CCDC12: variants seen among roughly 807,000 people sequenced by gnomAD.
CCDC12 encodes coiled-coil domain containing 12, also known as coiled-coil domain-containing protein 12.
CCDC12 carries 28 observed loss-of-function variants against 25.7 expected under a neutral mutation model. The ratio of observed to expected loss-of-function variants is 1.09; its 90% CI spans 0.81 to 1.50. The LOEUF is 1.50. CCDC12 is among the 40% of genes most tolerant of loss of function. CCDC12 has a pLI of 0.00. For synonymous variants in CCDC12, 75 were observed against 87.7 expected, an observed-to-expected ratio of 0.86 and a Z score of 0.81; for missense variants, 198 against 210.0, an observed-to-expected ratio of 0.94 and a Z score of 0.35.
intron 1 of CCDC12, chr3:46,976,425 A>T (rs936180): frequency 1.4e-6 from 2 of 1,416,838 alleles, no homozygotes; most frequent in Admixed American, 5.9e-5. Context: ...ACCCCCGCGC[A>T]TGCGCGACGA....
At chr3:46,973,456 T>C (rs1174541802) in intron 1 of CCDC12, among the ~76,000 whole-genome samples, 5 of 149,314 alleles carry the variant, frequency 3.3e-5, no homozygotes, top group African/African-American at 1.0e-4. Context: ...GATTGCACCA[T>C]TGCATTCCAG....
chr3:46,975,643 G>C (rs1020576230), intron 1 of CCDC12, among the ~76,000 whole-genome samples: 2 of 144,586 alleles, frequency 1.4e-5, no homozygotes, highest in Non-Finnish European at 3.0e-5. Flanking sequence ...CCATTCTCCT[G>C]CCTCAGCTTC....
chr3:46,959,168 C>T (rs1402266640), intron 1 of CCDC12, among the ~76,000 whole-genome samples: 1 of 150,918 alleles, frequency 6.6e-6, no homozygotes, highest in Non-Finnish European at 1.5e-5. Flanking sequence ...TACTGCTTCA[C>T]AAGGTCTTAT....
chr3:46,951,798 A>AAAAAAAAAAATAT lies in CCDC12; in HGVS notation c.97-10734_97-10733insATATTTTTTTTTT. ...CCGTCTCAAAAAAAAAAAAAAAAAA[A>AAAAAAAAAAATAT]ATATATATATATATATATATATATA... On this transcript the variant is annotated intron_variant, in intron 1 of 6. Transcript: ENST00000683445. Among the ~76,000 whole-genome samples, 20 of 8,466 alleles carry AAAAAAAAAAATAT rather than the reference A, an allele frequency of 2.4e-3. 2 individuals carry two copies. Among genetic ancestry groups the AAAAAAAAAAATAT allele is most frequent in the Non-Finnish European group, 3.4e-3 (12 of 3,564 alleles). 5.6% of individuals were successfully genotyped at this position (8,466 alleles called of 152,430 possible). A position where few individuals can be genotyped will look rare whatever the true frequency, so the allele number is the denominator to read the frequency against.
At chr3:46,923,935 C>T (rs2032822697) in intron 3 of CCDC12, 2 of 372,798 alleles carry the variant, frequency 5.4e-6, no homozygotes, top group Non-Finnish European at 9.6e-6. Flanking sequence ...AGCATGGATG[C>T]TGACAATAAC....
At position 46,937,184 on chromosome 3, in the gene CCDC12, G is replaced by C. The variant is rs1393517633; in HGVS notation, c.164+3814C>G. Among the ~76,000 whole-genome samples, 5 of 152,296 alleles carry C rather than the reference G, an allele frequency of 3.3e-5. 1 individual carries two copies. The South Asian group carries it at 1.0e-3, about 32-fold the overall frequency. ...GCCCCCAGGGACACTGTGTAAAGGAGAGTTGGGGTGATGTCTGTTCATGCC... is the reference window on the plus strand; with the variant it reads ...GCCCCCAGGGACACTGTGTAAAGGACAGTTGGGGTGATGTCTGTTCATGCC... On this transcript the variant is annotated intron_variant, in intron 2 of 6. Transcript: ENST00000683445.
At position 46,922,024 on chromosome 3, in the gene CCDC12, G is replaced by GCCTGAT. The variant is rs1364398199; in HGVS notation, c.*27_*32dup. ...CCCAAGACCATCCTCTGCAGGACAG[G>GCCTGAT]CCTGATGGGCGAGTGGTGGGGCAGG... On this transcript the variant is annotated 3_prime_UTR_variant, in exon 7 of 7. Transcript: ENST00000683445. 1 of 1,609,146 alleles carries GCCTGAT rather than the reference G, an allele frequency of 6.2e-7. No homozygotes were observed. Among genetic ancestry groups the GCCTGAT allele is most frequent in the East Asian group, 2.2e-5 (1 of 44,880 alleles).
At chr3:46,981,165 C>A (rs770454299), upstream of CCDC12, among the ~76,000 whole-genome samples, 4 of 152,212 alleles carry the variant, frequency 2.6e-5, no homozygotes, top group Non-Finnish European at 5.9e-5. Flanking sequence ...ACAGCCCTGG[C>A]CGGGCACGGT....
At chr3:46,930,348 C>T (rs901817847) in intron 2 of CCDC12, among the ~76,000 whole-genome samples, 2 of 152,242 alleles carry the variant, frequency 1.3e-5, no homozygotes, top group Middle Eastern at 6.3e-3. Context: ...GCAGCACCAG[C>T]ACCTCAGCTC....
chr3:46,951,417 T>C (rs2034109530), intron 1 of CCDC12, among the ~76,000 whole-genome samples: 2 of 152,038 alleles, frequency 1.3e-5, no homozygotes, highest in Non-Finnish European at 2.9e-5. Context: ...TTCTACAACG[T>C]ATATTGTAGA....
chr3:46,969,351 C>T (rs1392970276), intron 1 of CCDC12, among the ~76,000 whole-genome samples: 2 of 152,216 alleles, frequency 1.3e-5, no homozygotes, highest in Non-Finnish European at 2.9e-5. Flanking sequence ...ACCTCAGCCT[C>T]CCGAATAGCT....
intron 1 of CCDC12, chr3:46,966,257 A>C (rs2034637206): frequency 6.6e-6 from 1 of 152,440 alleles, no homozygotes; most frequent in Non-Finnish European, 1.5e-5. Context: ...TCACGCCTAT[A>C]ATCCCAACAC....
chr3:46,923,373 G>C lies in CCDC12; in HGVS notation c.307-10C>G. 1.3e-6 allele frequency: 2 copies of C among 1,501,260 alleles called. No homozygotes were observed. The highest frequency in any genetic ancestry group is 1.8e-6 in the Non-Finnish European group (2 of 1,122,384). The allele number at this position is 1,501,260 out of a possible 1,614,324, so 93.0% of individuals were successfully genotyped here. A position where few individuals can be genotyped will look rare whatever the true frequency, so the allele number is the denominator to read the frequency against. On this transcript the variant is annotated splice_polypyrimidine_tract_variant and intron_variant, in intron 4 of 6. Transcript: ENST00000683445. The stretch of plus-strand genomic sequence containing the variant: ...CGAGGTTGGCCAGGTCCTGGGAAGG[G>C]AGGAGACACACATCAGGGTGGAGGG...
intron 2 of CCDC12, among the ~76,000 whole-genome samples, chr3:46,928,682 A>T (rs1208701849): frequency 6.6e-6 from 1 of 152,266 alleles, no homozygotes; most frequent in African/African-American, 2.4e-5. Flanking sequence ...TCTAGTTAAG[A>T]AGCCTTCAAG....
chr3:46,933,232 CAGG>C (rs761506259), intron 2 of CCDC12, among the ~76,000 whole-genome samples: 1 of 152,236 alleles, frequency 6.6e-6, no homozygotes, highest in Non-Finnish European at 1.5e-5. Context: ...TCCCCACTGC[CAGG>C]AGAAGCCTTC....
chr3:46,976,470 G>A (rs1437318059), intron 1 of CCDC12, 167 bp downstream of exon 1: 15 of 1,433,968 alleles, frequency 1.0e-5, no homozygotes, highest in Admixed American at 2.8e-5. Context: ...ACGCCAAGCA[G>A]CCCCAGACAT....
At chr3:46,944,758 C>G (rs769430530) in intron 1 of CCDC12, among the ~76,000 whole-genome samples, 5 of 152,090 alleles carry the variant, frequency 3.3e-5, no homozygotes, top group Admixed American at 1.3e-4. Context: ...CAACCTGTCT[C>G]CCCTAAGTCT....
chr3:46,958,710 G>A (rs1387241081), intron 1 of CCDC12, among the ~76,000 whole-genome samples: 3 of 152,100 alleles, frequency 2.0e-5, no homozygotes, highest in East Asian at 3.9e-4. Flanking sequence ...GCGAAAGGAG[G>A]AGCTGAGACT....
At chr3:46,962,123 A>G (rs2034481125) in intron 1 of CCDC12, among the ~76,000 whole-genome samples, 2 of 152,306 alleles carry the variant, frequency 1.3e-5, no homozygotes, top group South Asian at 4.1e-4. Flanking sequence ...AAAATTAAGA[A>G]CTACTATTCG....
Sources: allele counts gnomAD v4.1 joint callset (sites outside exome capture counted in the v4.1 genomes callset), GRCh38; gene constraint gnomAD v4.1.1; transcripts MANE v1.5; gene names NCBI Gene and HGNC (gene_info 2026-07-23, HGNC 2026-07-21).